GNA15: variants seen among roughly 807,000 people sequenced by gnomAD.
The protein encoded by GNA15 is guanine nucleotide-binding protein subunit alpha-15.
GNA15 carries 23 observed loss-of-function variants against 40.1 expected under a neutral mutation model. That is an observed-to-expected ratio of 0.57 (90% CI 0.41 to 0.81). GNA15 has a LOEUF of 0.81. Among genes scored for constraint, GNA15 ranks in the 40% least tolerant of loss-of-function variants. The pLI is 0.00. For missense variants in GNA15, 522 were observed against 515.8 expected (o/e 1.01, Z -0.12); for synonymous variants, 226 against 210.4 (o/e 1.07, Z -0.64).
chr19:3,151,529 T>G lies in GNA15; in HGVS notation c.486-178T>G, dbSNP rs1171109161. Among the ~76,000 whole-genome samples the G allele has an allele frequency of 1.3e-5, 2 of 152,048 alleles. No homozygotes were observed. Among genetic ancestry groups the G allele is most frequent in the African/African-American group, 4.8e-5 (2 of 41,394 alleles). ...CTCTGCGTGTGAAGCTGCTTTTCCT[T>G]GGGGCTCCATTGCCTCAGGTGGGGG... On this transcript the variant is annotated intron_variant, in intron 3 of 6. Coordinates refer to ENST00000262958, the MANE Select transcript of GNA15 (RefSeq NM_002068.4). The surrounding 1 kb of genome is among the most constrained non-coding windows in gnomAD (Gnocchi z 5.0).
At chr19:3,143,509 G>C (rs574499689) in intron 1 of GNA15, among the ~76,000 whole-genome samples, 1 of 151,952 alleles carries the variant, frequency 6.6e-6, no homozygotes, top group East Asian at 1.9e-4. Flanking sequence ...AAAATTAGCC[G>C]GACACGGTGG....
chr19:3,160,945 T>C (rs2144865176), intron 6 of GNA15, among the ~76,000 whole-genome samples: 1 of 148,246 alleles, frequency 6.7e-6, no homozygotes, highest in East Asian at 2.0e-4. Context: ...CACTTTTTTT[T>C]TTTTTTTTTT....
Position 3,136,411 on chromosome 19 carries a change from G to C in GNA15, c.-40G>C. 6.5e-7 allele frequency: 1 copy of C among 1,538,302 alleles called. No individual in the cohort carries two copies. The highest frequency in any genetic ancestry group is 8.8e-7 in the Non-Finnish European group (1 of 1,140,736). Reference sequence around the variant, plus strand: ...GGGTTGCCCTGGCCAGCAGGGGCCCGGGGGCGATGCCACCCGGTGCCGACT... The same window carrying C: ...GGGTTGCCCTGGCCAGCAGGGGCCCCGGGGCGATGCCACCCGGTGCCGACT... On this transcript the variant is annotated 5_prime_UTR_variant, in exon 1 of 7. Coordinates refer to ENST00000262958, the MANE Select transcript of GNA15 (RefSeq NM_002068.4). This position sits in a 1 kb window ranked among gnomAD's most constrained non-coding sequence, Gnocchi z 4.9.
At chr19:3,147,937 C>G (rs921924486) in intron 1 of GNA15, among the ~76,000 whole-genome samples, 1 of 150,092 alleles carries the variant, frequency 6.7e-6, no homozygotes, top group Admixed American at 6.6e-5. Flanking sequence ...CAAACAAAAA[C>G]TTTCTGGCCA....
At chr19:3,143,613 A>G (rs990665298) in intron 1 of GNA15, among the ~76,000 whole-genome samples, 1 of 152,128 alleles carries the variant, frequency 6.6e-6, no homozygotes, top group Non-Finnish European at 1.5e-5. Flanking sequence ...ATATCAAGCC[A>G]CTGCACTCTA....
intron 6 of GNA15, among the ~76,000 whole-genome samples, chr19:3,158,086 T>C (rs960524359): frequency 6.6e-6 from 1 of 152,152 alleles, no homozygotes; most frequent in Non-Finnish European, 1.5e-5. Flanking sequence ...GCAGAGGCCC[T>C]TGGAACTGAG....
At chr19:3,143,271 C>T (rs1914620481) in intron 1 of GNA15, 2 of 152,202 alleles carry the variant, frequency 1.3e-5, no homozygotes, top group East Asian at 3.9e-4. Flanking sequence ...GTTGGGAAGA[C>T]GGTAAGATTT....
intron 5 of GNA15, among the ~76,000 whole-genome samples, chr19:3,156,420 AACACACACATGC>A (rs1363042972): frequency 8.2e-6 from 1 of 121,372 alleles, no homozygotes; most frequent in African/African-American, 3.6e-5. Context: ...CACACACATG[AACACACACATGC>A]ACACACACAG....
intron 4 of GNA15, among the ~76,000 whole-genome samples, chr19:3,153,242 T>C (rs1914922550): frequency 7.0e-6 from 1 of 143,252 alleles, no homozygotes; most frequent in Non-Finnish European, 1.5e-5. Context: ...GAGAGATACT[T>C]GGTCTGGGAA....
At chr19:3,143,880 G>C (rs1914633304) in intron 1 of GNA15, among the ~76,000 whole-genome samples, 1 of 151,804 alleles carries the variant, frequency 6.6e-6, no homozygotes, top group African/African-American at 2.4e-5. Flanking sequence ...CAGCACTTTG[G>C]GAGGACGAGG....
intron 5 of GNA15, among the ~76,000 whole-genome samples, chr19:3,157,279 G>A (rs921349902): frequency 8.5e-5 from 13 of 152,144 alleles, no homozygotes; most frequent in Admixed American, 3.3e-4. Context: ...GATTACAGCC[G>A]TGAGCTGCCG....
intron 1 of GNA15, among the ~76,000 whole-genome samples, chr19:3,139,685 G>A (rs1914531868): frequency 1.3e-5 from 2 of 151,858 alleles, no homozygotes; most frequent in Non-Finnish European, 2.9e-5. Context: ...AGATCATGAG[G>A]TCAGGAGGTT....
intron 1 of GNA15, 146 bp from the exon 2 acceptor site, chr19:3,148,445 C>G: frequency 1.4e-6 from 1 of 727,188 alleles, no homozygotes; most frequent in South Asian, 1.9e-5. Flanking sequence ...AGCCGCTAGC[C>G]TAGGGTCACT....
intron 6 of GNA15, among the ~76,000 whole-genome samples, chr19:3,160,013 G>C (rs893567477): frequency 1.3e-5 from 2 of 152,164 alleles, no homozygotes; most frequent in African/African-American, 4.8e-5. Flanking sequence ...TGTGGTGGCG[G>C]GTGTCCTGCT....
At chr19:3,145,361 T>TATATATATATATATATATA (rs57906685) in intron 1 of GNA15, among the ~76,000 whole-genome samples, 11 of 28,198 alleles carry the variant, frequency 3.9e-4, no homozygotes, top group African/African-American at 2.0e-3. Flanking sequence ...ATATATATAT[T>TATATATATATATATATATA]TTTTTTTTTT....
chr19:3,158,909 G>A (rs953903717), intron 6 of GNA15, among the ~76,000 whole-genome samples: 19 of 150,920 alleles, frequency 1.3e-4, no homozygotes, highest in Non-Finnish European at 2.2e-4. Flanking sequence ...CTGGGATTAC[G>A]GGCGTGAGCC....
chr19:3,140,810 T>C (rs1400776047), intron 1 of GNA15, among the ~76,000 whole-genome samples: 1 of 152,168 alleles, frequency 6.6e-6, no homozygotes. Flanking sequence ...CTGTATCATA[T>C]CTTCCTGGAG....
At chr19:3,162,464 A>C (rs1915160603) in intron 6 of GNA15, among the ~76,000 whole-genome samples, 1 of 151,928 alleles carries the variant, frequency 6.6e-6, no homozygotes, top group African/African-American at 2.4e-5. Flanking sequence ...ATATTTGTCT[A>C]TGCGATTCCA....
At chr19:3,161,297 T>C (rs973793600) in intron 6 of GNA15, among the ~76,000 whole-genome samples, 3 of 152,152 alleles carry the variant, frequency 2.0e-5, no homozygotes, top group Non-Finnish European at 4.4e-5. Context: ...AAATATCCGA[T>C]TTCTAAAAGT....
Sources: gnomAD v4.1 joint callset for allele counts (sites outside exome capture counted in the v4.1 genomes callset) on GRCh38, gnomAD v4.1.1 for gene constraint, Gnocchi (gnomAD v3.1) non-coding constraint, MANE v1.5 for transcripts, NCBI Gene and HGNC (gene_info 2026-07-23, HGNC 2026-07-21) for gene names.